NUP98: variants seen among roughly 807,000 people sequenced by gnomAD.
NUP98 encodes the protein nuclear pore complex protein Nup98-Nup96.
Under a neutral mutation model 191.9 loss-of-function variants are expected in NUP98, and 26 were observed. That is an observed-to-expected ratio of 0.14 (90% confidence interval 0.10 to 0.19). The LOEUF (loss-of-function observed/expected upper bound fraction) is 0.19. NUP98 is among the 10% of genes least tolerant of loss of function. The pLI, the probability that NUP98 is intolerant of heterozygous loss-of-function variation, is 1.00. For missense variants in NUP98, 1,941 were observed against 2,178.8 expected (o/e 0.89, Z 2.17); for synonymous variants, 808 against 778.4 (o/e 1.04, Z -0.63).
At chr11:3,719,842 C>A (rs2134208742) in intron 17 of NUP98, among the ~76,000 whole-genome samples, 1 of 151,464 alleles carries the variant, frequency 6.6e-6, no homozygotes, top group Non-Finnish European at 1.5e-5. Flanking sequence ...TCACTGCAGC[C>A]TGAACCTCCT....
chr11:3,681,316 C>T (rs1428334140), intron 30 of NUP98, among the ~76,000 whole-genome samples: 4 of 152,216 alleles, frequency 2.6e-5, no homozygotes, highest in Non-Finnish European at 5.9e-5. Flanking sequence ...ACTGGGATTA[C>T]AGGTACGAGC....
At chr11:3,778,335 G>C (rs546365249) in intron 4 of NUP98, among the ~76,000 whole-genome samples, 3 of 152,158 alleles carry the variant, frequency 2.0e-5, no homozygotes, top group Middle Eastern at 3.4e-3. Flanking sequence ...TCAAAGTACA[G>C]TGCTGTGTGG....
intron 15 of NUP98, among the ~76,000 whole-genome samples, 161 bp from the exon 16 acceptor site, chr11:3,723,616 A>G (rs1215336402): frequency 2.0e-5 from 3 of 152,282 alleles, no homozygotes; most frequent in African/African-American, 7.2e-5. Flanking sequence ...TGTGAAACAG[A>G]TAATTACTAT....
Position 3,797,494 on chromosome 11 carries a change from G to A in NUP98, c.-123C>T, listed in dbSNP as rs1445055043. The A allele has an allele frequency of 7.0e-6, 3 of 430,888 alleles. No homozygotes were observed. Among genetic ancestry groups the A allele is most frequent in the African/African-American group, 2.1e-5 (1 of 48,716 alleles). The allele number at this position is 430,888 out of a possible 1,614,324, so 26.7% of individuals were successfully genotyped here. On this transcript the variant is annotated 5_prime_UTR_variant, in exon 1 of 33. Coordinates refer to ENST00000324932, the MANE Select transcript of NUP98 (RefSeq NM_016320.5). The stretch of plus-strand genomic sequence containing the variant: ...CGGCCCCCACGAAACCGTCGCCGCC[G>A]CCGCTACCACCCCTGCCACCGACCG...
intron 14 of NUP98, among the ~76,000 whole-genome samples, chr11:3,725,780 T>C (rs2079594960): frequency 6.6e-6 from 1 of 152,170 alleles, no homozygotes; most frequent in South Asian, 2.1e-4. Context: ...ATAATGCAAA[T>C]GATCGATCAC....
intron 18 of NUP98, 126 bp from the exon 19 acceptor site, chr11:3,714,121 G>T (rs2079103946): frequency 1.0e-6 from 1 of 982,700 alleles, no homozygotes; most frequent in South Asian, 1.5e-5. Context: ...TATTCTGCAT[G>T]TGTCATAAAC....
intron 8 of NUP98, among the ~76,000 whole-genome samples, chr11:3,766,808 A>G (rs1419236659): frequency 6.6e-6 from 1 of 152,168 alleles, no homozygotes; most frequent in Non-Finnish European, 1.5e-5. Context: ...TTATCATGAA[A>G]AAGTGTCAAA....
At chr11:3,694,692 A>G (rs1448537166) in intron 26 of NUP98, among the ~76,000 whole-genome samples, 1 of 151,778 alleles carries the variant, frequency 6.6e-6, no homozygotes, top group Non-Finnish European at 1.5e-5. Flanking sequence ...GTAAGCCCAG[A>G]TCGTGCCACT....
Position 3,776,122 on chromosome 11 carries a change from T to G in NUP98, c.356-101A>C. ...ATGGCACTAGCATCACAGTACTTCA[T>G]TTTTTTTTTTTTTTTTTGAGACAGG... On this transcript the variant is annotated intron_variant, in intron 4 of 32. Coordinates refer to ENST00000324932, the MANE Select transcript of NUP98 (RefSeq NM_016320.5). The G allele has an allele frequency of 3.0e-5, 4 of 133,526 alleles. No individual in the cohort carries two copies. In the South Asian group the frequency reaches 6.7e-4, roughly 22 times the overall value. The allele number at this position is 133,526 out of a possible 1,614,324, so 8.3% of individuals were successfully genotyped here.
intron 10 of NUP98, among the ~76,000 whole-genome samples, chr11:3,756,864 G>A (rs1465515752): frequency 6.6e-6 from 1 of 151,500 alleles, no homozygotes; most frequent in Admixed American, 6.6e-5. Flanking sequence ...GAGGTGAGCG[G>A]ATCACGAGGT....
chr11:3,696,435 G>C (rs1394316531), intron 25 of NUP98, among the ~76,000 whole-genome samples: 1 of 151,798 alleles, frequency 6.6e-6, no homozygotes, highest in Non-Finnish European at 1.5e-5. Context: ...CCAGAAGGCA[G>C]AAGTTGCAGT....
chr11:3,684,446 T>G lies in NUP98; in HGVS notation c.4677-1005A>C, dbSNP rs79067926. ...TCCTAAGCTTTTCAATGACTTCCACTGTCATCACAACTGCCTCCTTTTTTA... is the reference window on the plus strand; with the variant it reads ...TCCTAAGCTTTTCAATGACTTCCACGGTCATCACAACTGCCTCCTTTTTTA... On this transcript the variant is annotated intron_variant, in intron 29 of 32. Transcript: ENST00000324932. 5.4e-3 allele frequency among the ~76,000 whole-genome samples: 816 copies of G among 152,252 alleles called. 5 individuals carry two copies. Among genetic ancestry groups the G allele is most frequent in the African/African-American group, 0.019 (779 of 41,554 alleles).
chr11:3,748,075 T>C (rs1375848055), intron 11 of NUP98, among the ~76,000 whole-genome samples: 1 of 152,168 alleles, frequency 6.6e-6, no homozygotes, highest in Non-Finnish European at 1.5e-5. Context: ...AGCAACACAA[T>C]GCAGTTTGTT....
intron 8 of NUP98, among the ~76,000 whole-genome samples, chr11:3,766,872 T>C (rs956301291): frequency 7.9e-5 from 12 of 152,220 alleles, no homozygotes; most frequent in African/African-American, 2.9e-4. Context: ...GTTTAAATTA[T>C]ATTACCACAG....
intron 12 of NUP98, among the ~76,000 whole-genome samples, chr11:3,737,811 A>T (rs151086017): frequency 6.6e-6 from 1 of 152,292 alleles, no homozygotes; most frequent in African/African-American, 2.4e-5. Flanking sequence ...CAATTTTAAG[A>T]GCACAGAGTA....
rs2078756844 is a variant in NUP98 at position 3,703,002 on chromosome 11, A to AT, written c.3083-111_3083-110insA. On this transcript the variant is annotated intron_variant, in intron 22 of 32. Coordinates refer to ENST00000324932, the MANE Select transcript of NUP98 (RefSeq NM_016320.5). Reference sequence around the variant, plus strand: ...GCTGAAATCATTCAATGTTTAATCAAACTACTTATATCAGATGTGGATGAC... The same window carrying AT: ...GCTGAAATCATTCAATGTTTAATCAATACTACTTATATCAGATGTGGATGAC... The AT allele has an allele frequency of 4.1e-5, 37 of 896,524 alleles. No homozygotes were observed. The South Asian group carries it at 5.9e-4, about 14-fold the overall frequency. The allele number at this position is 896,524 out of a possible 1,614,324, so 55.5% of individuals were successfully genotyped here.
intron 29 of NUP98, among the ~76,000 whole-genome samples, chr11:3,684,106 A>G (rs953277734): frequency 1.3e-5 from 2 of 151,974 alleles, no homozygotes; most frequent in South Asian, 4.2e-4. Flanking sequence ...CAGCTACTCA[A>G]GAAGCTGAGG....
At chr11:3,727,535 C>T (rs2079665823) in intron 14 of NUP98, among the ~76,000 whole-genome samples, 2 of 152,132 alleles carry the variant, frequency 1.3e-5, no homozygotes, top group African/African-American at 2.4e-5. Context: ...CTGCATTGGA[C>T]TGAAACATAG....
rs1297010117 is a variant in NUP98 at position 3,735,139 on chromosome 11, TCA to T, written c.1542+50_1542+51del. The stretch of plus-strand genomic sequence containing the variant: ...AGGCAAAAAATTACATTCTGCACAT[TCA>T]GTTTCTCTTTCTTTGATATGATATT... On this transcript the variant is annotated intron_variant, in intron 13 of 32. Transcript: ENST00000324932. 2.7e-6 allele frequency: 4 copies of T among 1,484,754 alleles called. No homozygotes were observed. In the South Asian group the frequency reaches 5.6e-5, roughly 21 times the overall value. The allele number at this position is 1,484,754 out of a possible 1,614,324, so 92.0% of individuals were successfully genotyped here.
Sources: allele counts gnomAD v4.1 joint callset (sites outside exome capture counted in the v4.1 genomes callset), GRCh38; gene constraint gnomAD v4.1.1; transcripts MANE v1.5; gene names NCBI Gene and HGNC (gene_info 2026-07-23, HGNC 2026-07-21).